Variants in APP observed in about 807,000 individuals in gnomAD.
APP encodes amyloid-beta precursor protein.
Under a neutral mutation model 101.4 loss-of-function variants are expected in APP, and 31 were observed. The ratio of observed to expected loss-of-function variants is 0.31; its 90% CI spans 0.23 to 0.41. APP has a LOEUF of 0.41. APP is among the 10% of genes least tolerant of loss of function. The probability of loss-of-function intolerance (pLI) is 1.00; values close to 1 mark genes in which losing one functional copy is unlikely to be tolerated. For missense variants in APP, 839 were observed against 1,003.7 expected, an observed-to-expected ratio of 0.84 and a Z score of 2.22; for synonymous variants, 366 against 364.4, an observed-to-expected ratio of 1.00 and a Z score of -0.05.
intron 1 of APP, among the ~76,000 whole-genome samples, chr21:26,115,086 T>A (rs990942569): frequency 6.6e-6 from 1 of 152,216 alleles, no homozygotes; most frequent in Non-Finnish European, 1.5e-5. Flanking sequence ...CCAGATGAGA[T>A]TTAATATTAA....
Position 26,084,227 on chromosome 21 carries a change from ATTTTTTTTTTTT to A in APP, c.355+5704_355+5715del, listed in dbSNP as rs869179482. The stretch of plus-strand genomic sequence containing the variant: ...AGGATGACCTACCTAGAAGGGCTCC[ATTTTTTTTTTTT>A]TTTTTTTTTTTTTTTTTGAGACTGA... On this transcript the variant is annotated intron_variant, in intron 3 of 17. Transcript: ENST00000346798. 9.6e-5 allele frequency among the ~76,000 whole-genome samples: 8 copies of A among 83,062 alleles called. No homozygotes were observed. In the East Asian group the frequency reaches 1.0e-3, roughly 11 times the overall value. 54.5% of individuals were successfully genotyped at this position (83,062 alleles called of 152,430 possible).
At chr21:26,118,188 T>C (rs1185560609) in intron 1 of APP, among the ~76,000 whole-genome samples, 1 of 152,160 alleles carries the variant, frequency 6.6e-6, no homozygotes, top group Non-Finnish European at 1.5e-5. Flanking sequence ...GGTCCCTCAA[T>C]AGGAGTCTTT....
rs1405999478 is a variant in APP at position 25,887,664 on chromosome 21, C to T, written c.2211+4058G>A. ...ACATATGATGGTGGCCCCATAATAC[C>T]GTATTTTTTACTGTACCTTTTCTAG... On this transcript the variant is annotated intron_variant, in intron 17 of 17. Coordinates refer to ENST00000346798, the MANE Select transcript of APP (RefSeq NM_000484.4). Among the ~76,000 whole-genome samples, 5 of 148,206 alleles carry T rather than the reference C, an allele frequency of 3.4e-5. No individual in the cohort carries two copies. The East Asian group carries it at 5.8e-4, about 17-fold the overall frequency.
At chr21:26,037,319 TA>T (rs1391351195) in intron 5 of APP, among the ~76,000 whole-genome samples, 1 of 152,148 alleles carries the variant, frequency 6.6e-6, no homozygotes, top group Non-Finnish European at 1.5e-5. Context: ...GTAGGATGAC[TA>T]CAGTTAACAG....
At chr21:25,932,434 G>A (rs145568441) in intron 13 of APP, among the ~76,000 whole-genome samples, 16 of 152,186 alleles carry the variant, frequency 1.1e-4, no homozygotes, top group African/African-American at 3.9e-4. Context: ...TTCCCACCCG[G>A]CCACTCACTC....
chr21:25,881,820 A>C, intron 17 of APP, 49 bp from the exon 18 acceptor site: 1 of 1,557,770 alleles, frequency 6.4e-7, no homozygotes, highest in Non-Finnish European at 8.8e-7. Context: ...CAATCTTTTA[A>C]GGGTGAACAT....
chr21:25,955,496 A>G, intron 12 of APP, 131 bp downstream of exon 12: 1 of 1,303,902 alleles, frequency 7.7e-7, no homozygotes, highest in Non-Finnish European at 1.1e-6. Flanking sequence ...ATTTACCAGA[A>G]GTTAAAGAGC....
chr21:25,999,273 C>T (rs1246223008), intron 7 of APP, among the ~76,000 whole-genome samples: 4 of 152,112 alleles, frequency 2.6e-5, no homozygotes, highest in African/African-American at 9.7e-5. Flanking sequence ...GCCTGTGAGA[C>T]AGAATGAGAC....
At chr21:26,049,683 A>T (rs551427333) in intron 5 of APP, among the ~76,000 whole-genome samples, 1 of 152,318 alleles carries the variant, frequency 6.6e-6, no homozygotes, top group African/African-American at 2.4e-5. Flanking sequence ...ATGTTTAGAA[A>T]ATGTGAAGGG....
intron 17 of APP, among the ~76,000 whole-genome samples, chr21:25,891,103 G>A (rs888038860): frequency 6.6e-6 from 1 of 152,088 alleles, no homozygotes; most frequent in Non-Finnish European, 1.5e-5. Flanking sequence ...TCTTGTTTTA[G>A]TATAGCACCT....
chr21:25,881,602 A>C lies in APP; in HGVS notation c.*68T>G. The C allele has an allele frequency of 6.6e-7, 1 of 1,521,164 alleles. No individual in the cohort carries two copies. Among genetic ancestry groups the C allele is most frequent in the South Asian group, 1.1e-5 (1 of 89,204 alleles). The allele number at this position is 1,521,164 out of a possible 1,614,324, so 94.2% of individuals were successfully genotyped here. On this transcript the variant is annotated 3_prime_UTR_variant, in exon 18 of 18. Transcript: ENST00000346798. ...TTGTTTCTTCCCACATTATTCTATA[A>C]ATGGACACCGATGGGTAGTGAAGCA... is the stretch of plus-strand genomic sequence containing the variant.
At chr21:26,169,013 G>A (rs1455033810) in intron 1 of APP, among the ~76,000 whole-genome samples, 1 of 152,130 alleles carries the variant, frequency 6.6e-6, no homozygotes, top group African/African-American at 2.4e-5. Flanking sequence ...GGGAAAAGAG[G>A]GGAAAAACGG....
At chr21:25,903,713 A>G (rs2038635492) in intron 15 of APP, among the ~76,000 whole-genome samples, 1 of 152,168 alleles carries the variant, frequency 6.6e-6, no homozygotes. Context: ...GCTCCTTGAG[A>G]TTCCCTTACA....
intron 13 of APP, among the ~76,000 whole-genome samples, chr21:25,916,127 C>T (rs1178624683): frequency 3.3e-5 from 5 of 152,086 alleles, no homozygotes; most frequent in East Asian, 1.9e-4. Flanking sequence ...GCCTCAGTCC[C>T]GAGTACTGTG....
Position 25,881,134 on chromosome 21 carries a change from CA to C in APP, c.*535del, listed in dbSNP as rs1182819965. Reference sequence around the variant, plus strand: ...AATATAGCAGAAGCAGCAATCTGTACAGTAAAATGCAGTCATGGAAAAAAAA... The same window carrying C: ...AATATAGCAGAAGCAGCAATCTGTACGTAAAATGCAGTCATGGAAAAAAAA... On this transcript the variant is annotated 3_prime_UTR_variant, in exon 18 of 18. Coordinates refer to ENST00000346798, the MANE Select transcript of APP (RefSeq NM_000484.4). 5.5e-6 allele frequency: 1 copy of C among 180,800 alleles called. No homozygotes were observed. The highest frequency in any genetic ancestry group is 1.2e-5 in the Non-Finnish European group (1 of 84,484). The allele number at this position is 180,800 out of a possible 1,614,324, so 11.2% of individuals were successfully genotyped here. A position where few individuals can be genotyped will look rare whatever the true frequency, so the allele number is the denominator to read the frequency against.
At chr21:26,163,080 CA>C (rs1246456055) in intron 1 of APP, among the ~76,000 whole-genome samples, 1 of 126,952 alleles carries the variant, frequency 7.9e-6, no homozygotes, top group African/African-American at 3.1e-5. Context: ...AAAAAAAAAA[CA>C]AAAACAAAAA....
intron 6 of APP, among the ~76,000 whole-genome samples, chr21:26,019,684 C>G (rs1225033313): frequency 6.6e-3 from 1 of 152 alleles, no homozygotes; most frequent in African/African-American, 0.036. Flanking sequence ...TAAACTGGTT[C>G]TATTAAACAG....
At chr21:25,893,083 A>G (rs1465175620) in intron 16 of APP, among the ~76,000 whole-genome samples, 1 of 152,204 alleles carries the variant, frequency 6.6e-6, no homozygotes, top group African/African-American at 2.4e-5. Flanking sequence ...TTCAAACATT[A>G]AAAATTATTA....
intron 5 of APP, among the ~76,000 whole-genome samples, chr21:26,032,882 C>T (rs771071858): frequency 5.3e-5 from 8 of 151,640 alleles, no homozygotes; most frequent in Admixed American, 2.0e-4. Context: ...ACTATAGGCT[C>T]AGAGCCCTGC....
Sources: allele counts gnomAD v4.1 joint callset (sites outside exome capture counted in the v4.1 genomes callset), GRCh38; gene constraint gnomAD v4.1.1; transcripts MANE v1.5; gene names NCBI Gene and HGNC (gene_info 2026-07-23, HGNC 2026-07-21).